MAP7D1: variants seen among roughly 807,000 people sequenced by gnomAD.
MAP7D1 encodes the protein MAP7 domain containing 1.
In MAP7D1, 30 loss-of-function variants were observed where a neutral mutation model predicts 97.5. The ratio of observed to expected loss-of-function variants is 0.31; its 90% CI spans 0.23 to 0.42. The LOEUF (loss-of-function observed/expected upper bound fraction) is 0.42, where lower values mean the gene tolerates loss of function less well. Ranked by LOEUF, MAP7D1 falls within the 10% of genes least tolerant of loss-of-function variation. The pLI, the probability that MAP7D1 is intolerant of heterozygous loss-of-function variation, is 1.00. For missense variants in MAP7D1, 1,184 were observed against 1,179.5 expected (o/e 1.00, Z -0.06); for synonymous variants, 536 against 477.1 (o/e 1.12, Z -1.61).
At chr1:36,161,863 A>C (rs901548665) in intron 1 of MAP7D1, among the ~76,000 whole-genome samples, 2 of 137,954 alleles carry the variant, frequency 1.4e-5, no homozygotes, top group South Asian at 2.3e-4. Flanking sequence ...TTTCCTCTGC[A>C]TGTGTGTGTG....
At chr1:36,163,635 C>T (rs368913923) in intron 1 of MAP7D1, among the ~76,000 whole-genome samples, 3 of 152,102 alleles carry the variant, frequency 2.0e-5, no homozygotes, top group African/African-American at 7.2e-5. Flanking sequence ...TTCTTGTTTG[C>T]CTCTTGAGAA....
Position 36,171,544 on chromosome 1 carries a change from G to A in MAP7D1, c.423G>A (p.Leu141=). 6.2e-7 allele frequency: 1 copy of A among 1,614,194 alleles called. No individual in the cohort carries two copies. The highest frequency in any genetic ancestry group is 1.6e-4 in the Middle Eastern group (1 of 6,062). ...AGAAGGCAGGAGAGAGACACAAGCT[G>A]GCAAAGGAGCGGCGAGAAGAGCGGG... ...EVKKAGERHK[L]AKERREERAK... The change falls in exon 3 of 17, where the codon CTG becomes CTA. Residue 141 remains leucine (L), a synonymous_variant. Transcript: ENST00000474796.
chr1:36,179,124 G>A, intron 12 of MAP7D1, 99 bp downstream of exon 12: 7 of 1,491,010 alleles, frequency 4.7e-6, no homozygotes, highest in Non-Finnish European at 6.4e-6. Flanking sequence ...GAAAGCGCTG[G>A]GGCAAATTCC....
In MAP7D1 at chr1:36,159,877, T is replaced by C. The variant is rs1644384035; in HGVS notation, c.46+3414T>C. 6.6e-6 allele frequency among the ~76,000 whole-genome samples: 1 copy of C among 152,220 alleles called. No homozygotes were observed. The highest frequency in any genetic ancestry group is 6.5e-5 in the Admixed American group (1 of 15,286). On this transcript the variant is annotated intron_variant, in intron 1 of 16. Coordinates refer to ENST00000474796, the MANE Select transcript of MAP7D1 (RefSeq NM_001388490.1). This position sits in a 1 kb window ranked among gnomAD's most constrained non-coding sequence, Gnocchi z 5.4. ...CAGCCAGCTGGCTGGCACCTCCCAA[T>C]GACAGCTTCCTAGTCCCTTCCTGGG... is the stretch of plus-strand genomic sequence containing the variant.
At chr1:36,162,765 G>GT (rs1240443398) in intron 1 of MAP7D1, among the ~76,000 whole-genome samples, 2 of 152,078 alleles carry the variant, frequency 1.3e-5, no homozygotes, top group African/African-American at 4.8e-5. Flanking sequence ...GCAGCTTGAG[G>GT]GTCTAAATAC....
In MAP7D1 at chr1:36,176,728, G is replaced by A. The variant is rs752355109; in HGVS notation, c.1265G>A (p.Arg422Gln). Residue 422 changes from arginine (R) to glutamine (Q), a missense_variant, in exon 8 of 17, where the codon CGG (arginine) becomes CAG (glutamine). Coordinates refer to ENST00000474796, the MANE Select transcript of MAP7D1 (RefSeq NM_001388490.1). The surrounding 1 kb of genome is among the most constrained non-coding windows in gnomAD (Gnocchi z 6.1). ...VQKKEKKDKE[R>Q]ENEKEKSALA... ...AAAAAGGAGAAGAAGGACAAGGAGC[G>A]GGAAAACGAGAAGGAGAAGAGTGCC... 4 of 1,603,484 alleles carry A rather than the reference G, an allele frequency of 2.5e-6. No individual in the cohort carries two copies. The highest frequency in any genetic ancestry group is 1.1e-5 in the South Asian group (1 of 89,078).
At position 36,178,042 on chromosome 1, in the gene MAP7D1, A is replaced by G; in HGVS notation, c.1549A>G (p.Ser517Gly). ...TCGGAGGAAGGAGGAGGCAAAGGAG[A>G]GCCCCAGCGCCGCAGGGCCCGAGGA... ...RVRRKEEAKE[S>G]PSAAGPEDKS... Residue 517 changes from serine (S) to glycine (G), a missense_variant, in exon 9 of 17, where the codon AGC becomes GGC. Physicochemically the swap from Ser to Gly is moderately conservative, Grantham distance 56. Coordinates refer to ENST00000474796, the MANE Select transcript of MAP7D1 (RefSeq NM_001388490.1). 4 of 1,613,274 alleles carry G rather than the reference A, an allele frequency of 2.5e-6. No individual in the cohort carries two copies.
chr1:36,172,461 C>T lies in MAP7D1; in HGVS notation c.461-3C>T, dbSNP rs1220135316. ...ACACGCCACTGGGCTCCTTTGTCCA[C>T]AGCGGCCAAGAAGGCAGTGTGGCTG... is the stretch of plus-strand genomic sequence containing the variant. On this transcript the variant is annotated splice_region_variant and splice_polypyrimidine_tract_variant and intron_variant, in intron 3 of 16. Coordinates refer to ENST00000474796, the MANE Select transcript of MAP7D1 (RefSeq NM_001388490.1). The T allele has an allele frequency of 6.4e-7, 1 of 1,568,902 alleles. No homozygotes were observed. The highest frequency in any genetic ancestry group is 8.7e-7 in the Non-Finnish European group (1 of 1,148,852).
intron 3 of MAP7D1, 104 bp from the exon 4 acceptor site, chr1:36,172,360 C>A: frequency 8.4e-7 from 1 of 1,189,832 alleles, no homozygotes; most frequent in South Asian, 2.6e-5. Context: ...GAGAAAGACC[C>A]ACCCAGGGCA....
intron 1 of MAP7D1, 109 bp from the exon 2 acceptor site, chr1:36,170,862 A>G (rs1158341305): frequency 9.1e-6 from 6 of 659,316 alleles, no homozygotes; most frequent in Non-Finnish European, 1.4e-5. Flanking sequence ...GAAATAACTC[A>G]AACATAAGTG....
chr1:36,168,585 G>C (rs983634380), intron 1 of MAP7D1, among the ~76,000 whole-genome samples: 1 of 152,156 alleles, frequency 6.6e-6, no homozygotes, highest in Non-Finnish European at 1.5e-5. Flanking sequence ...GAAGAGATGG[G>C]TGGCTTGTCA....
In MAP7D1 at chr1:36,156,234, G is replaced by C. The variant is rs1254111316; in HGVS notation, c.-184G>C. Reference sequence around the variant, plus strand: ...CGACCGCAGCCGAGAGACCCCGGGCGACCGGCACCTCCGAGACTCGCGGGC... The same window carrying C: ...CGACCGCAGCCGAGAGACCCCGGGCCACCGGCACCTCCGAGACTCGCGGGC... On this transcript the variant is annotated 5_prime_UTR_variant, in exon 1 of 17. Transcript: ENST00000474796. The C allele has an allele frequency of 2.2e-6, 1 of 447,034 alleles. No individual in the cohort carries two copies. Among genetic ancestry groups the C allele is most frequent in the Admixed American group, 4.5e-5 (1 of 22,394 alleles). 27.7% of individuals were successfully genotyped at this position (447,034 alleles called of 1,614,324 possible). A position where few individuals can be genotyped will look rare whatever the true frequency, so the allele number is the denominator to read the frequency against.
chr1:36,180,193 T>C (rs889482739), intron 16 of MAP7D1, 55 bp from the exon 17 acceptor site: 4 of 1,613,608 alleles, frequency 2.5e-6, no homozygotes, highest in Non-Finnish European at 3.4e-6. Flanking sequence ...GACCCCCAGC[T>C]ATCTGGGCTT....
chr1:36,167,868 C>T (rs1034011453), intron 1 of MAP7D1, among the ~76,000 whole-genome samples: 2 of 152,148 alleles, frequency 1.3e-5, no homozygotes, highest in Non-Finnish European at 2.9e-5. Context: ...GACAAACACC[C>T]GCCTACCAGT....
At chr1:36,164,062 G>C (rs759680876) in intron 1 of MAP7D1, among the ~76,000 whole-genome samples, 3 of 152,120 alleles carry the variant, frequency 2.0e-5, no homozygotes, top group African/African-American at 7.2e-5. Flanking sequence ...GGGCTCAAAC[G>C]ATCTGCTCTC....
chr1:36,156,502 T>G, intron 1 of MAP7D1, 39 bp downstream of exon 1: 1 of 1,397,520 alleles, frequency 7.2e-7, no homozygotes, highest in Non-Finnish European at 9.3e-7. Flanking sequence ...TGGGGGTAGA[T>G]GGAGGGGCTG....
In MAP7D1 at chr1:36,176,634, G is replaced by C. The variant is rs1193337469; in HGVS notation, c.1233+53G>C. On this transcript the variant is annotated intron_variant, in intron 7 of 16. Coordinates refer to ENST00000474796, the MANE Select transcript of MAP7D1 (RefSeq NM_001388490.1). The surrounding 1 kb of genome is among the most constrained non-coding windows in gnomAD (Gnocchi z 6.1). Reference sequence around the variant, plus strand: ...CGCGCAGGTGGGGACAGGCAGCCTGGAACTGGGGTACGCGGGCGCTGCTGA... The same window carrying C: ...CGCGCAGGTGGGGACAGGCAGCCTGCAACTGGGGTACGCGGGCGCTGCTGA... 3 of 1,579,922 alleles carry C rather than the reference G, an allele frequency of 1.9e-6. No individual in the cohort carries two copies. In the African/African-American group the frequency reaches 4.0e-5, roughly 21 times the overall value.
At chr1:36,158,361 C>T (rs1644365458) in intron 1 of MAP7D1, among the ~76,000 whole-genome samples, 1 of 152,084 alleles carries the variant, frequency 6.6e-6, no homozygotes, top group Admixed American at 6.5e-5. Context: ...ACAGCATGTG[C>T]CCTGTGATAG....
At chr1:36,157,992 C>A (rs1003017859) in intron 1 of MAP7D1, among the ~76,000 whole-genome samples, 2 of 152,090 alleles carry the variant, frequency 1.3e-5, no homozygotes, top group Non-Finnish European at 2.9e-5. Context: ...CACCTGAGGG[C>A]CTCTGGCACT....
Sources: allele counts gnomAD v4.1 joint callset (sites outside exome capture counted in the v4.1 genomes callset), GRCh38; gene constraint gnomAD v4.1.1; non-coding constraint Gnocchi (gnomAD v3.1); transcripts MANE v1.5; gene names NCBI Gene and HGNC (gene_info 2026-07-23, HGNC 2026-07-21).